Variants in USP7 observed in about 807,000 individuals in gnomAD.
USP7 encodes the protein ubiquitin C-terminal hydrolase 7.
A neutral mutation model predicts 162.9 loss-of-function variants in USP7; 9 were observed. The observed-to-expected ratio is 0.06, with a 90% CI of 0.03 to 0.10. The LOEUF is 0.10. Among genes scored for constraint, USP7 ranks in the 10% least tolerant of loss-of-function variants. The pLI is 1.00. For synonymous variants in USP7, 562 were observed against 475.9 expected (o/e 1.18, Z -2.35); for missense variants, 715 against 1,373.7 (o/e 0.52, Z 7.58).
At chr16:8,894,461 T>G in intron 30 of USP7, 89 bp downstream of exon 30, 1 of 1,359,072 alleles carries the variant, frequency 7.4e-7, no homozygotes, top group Non-Finnish European at 1.0e-6. Flanking sequence ...GAGCTGGCAC[T>G]TGACCCTGGG....
chr16:8,912,809 G>A (rs1032664494), intron 10 of USP7, among the ~76,000 whole-genome samples: 6 of 149,940 alleles, frequency 4.0e-5, no homozygotes, highest in Non-Finnish European at 1.5e-5. Flanking sequence ...AAGAGATAAA[G>A]ATTTTCATTT....
chr16:8,903,117 G>A lies in USP7; in HGVS notation c.1839+151C>T, dbSNP rs1225082976. On this transcript the variant is annotated intron_variant, in intron 16 of 30. Transcript: ENST00000344836. ...CAATGGTTTTCTTGCACTTTCTCAGGCAGGAAATGTTCCTGGGTCACACTC... is the reference window on the plus strand; with the variant it reads ...CAATGGTTTTCTTGCACTTTCTCAGACAGGAAATGTTCCTGGGTCACACTC... 1.2e-5 allele frequency: 13 copies of A among 1,055,348 alleles called. No homozygotes were observed. The East Asian group carries it at 3.1e-4, about 25-fold the overall frequency. The allele number at this position is 1,055,348 out of a possible 1,614,324, so 65.4% of individuals were successfully genotyped here.
intron 1 of USP7, among the ~76,000 whole-genome samples, chr16:8,934,149 G>A (rs1420868351): frequency 6.6e-6 from 1 of 152,116 alleles, no homozygotes; most frequent in Non-Finnish European, 1.5e-5. Context: ...TTTAAAACAT[G>A]GTTTTAATGC....
In USP7 at chr16:8,892,803, T is replaced by TA. The variant is rs1433841302; in HGVS notation, c.*1194dup. 1 of 152,026 alleles carries TA rather than the reference T, an allele frequency of 6.6e-6. No individual in the cohort carries two copies. The highest frequency in any genetic ancestry group is 2.4e-5 in the African/African-American group (1 of 41,368). The allele number at this position is 152,026 out of a possible 1,614,324, so 9.4% of individuals were successfully genotyped here. On this transcript the variant is annotated 3_prime_UTR_variant, in exon 31 of 31. Coordinates refer to ENST00000344836, the MANE Select transcript of USP7 (RefSeq NM_003470.3). Reference sequence around the variant, plus strand: ...TTTTTATAGAAAATTTTATTCAACATACAACATTTTCCAGCAAAAAGGCAA... The same window carrying TA: ...TTTTTATAGAAAATTTTATTCAACATAACAACATTTTCCAGCAAAAAGGCAA...
chr16:8,910,309 T>C (rs1310474427), intron 11 of USP7, among the ~76,000 whole-genome samples: 1 of 152,122 alleles, frequency 6.6e-6, no homozygotes, highest in Non-Finnish European at 1.5e-5. Flanking sequence ...GACACAACCC[T>C]AGAGAACACA....
chr16:8,939,917 G>A (rs966385985), intron 1 of USP7, among the ~76,000 whole-genome samples: 3 of 152,168 alleles, frequency 2.0e-5, no homozygotes, highest in African/African-American at 7.2e-5. Flanking sequence ...GGCTAACACG[G>A]TGAAACCCCG....
chr16:8,938,983 C>G (rs559336961), intron 1 of USP7, among the ~76,000 whole-genome samples: 2 of 152,128 alleles, frequency 1.3e-5, no homozygotes, highest in East Asian at 1.9e-4. Flanking sequence ...ACCATTAATA[C>G]CAAGGGACAG....
intron 6 of USP7, 46 bp from the exon 7 acceptor site, chr16:8,917,202 G>A (rs1897416850): frequency 1.3e-6 from 2 of 1,551,172 alleles, no homozygotes; most frequent in South Asian, 1.2e-5. Flanking sequence ...GAAGATGCAG[G>A]GGAATTTAAA....
In USP7 at chr16:8,923,427, A is replaced by G. The variant is rs745354893; in HGVS notation, c.185-14T>C. On this transcript the variant is annotated splice_polypyrimidine_tract_variant and intron_variant, in intron 2 of 30. Coordinates refer to ENST00000344836, the MANE Select transcript of USP7 (RefSeq NM_003470.3). ...GCCAACTGGTGTCTGCAAAAAAAAC[A>G]CATCATCAGTCACAGAGCCTGTGCA... is the stretch of plus-strand genomic sequence containing the variant. 6.2e-7 allele frequency: 1 copy of G among 1,613,382 alleles called. No individual in the cohort carries two copies. The highest frequency in any genetic ancestry group is 1.7e-5 in the Admixed American group (1 of 60,000).
intron 1 of USP7, among the ~76,000 whole-genome samples, chr16:8,955,181 T>G (rs926278662): frequency 2.0e-5 from 3 of 152,238 alleles, no homozygotes; most frequent in Non-Finnish European, 4.4e-5. Context: ...TTTGTTGTAT[T>G]TAATAAACTT....
intron 23 of USP7, chr16:8,898,861 C>A: frequency 1.6e-6 from 1 of 612,204 alleles, no homozygotes; most frequent in Non-Finnish European, 2.8e-6. Flanking sequence ...AGCAGCCTGG[C>A]AGGACTGACC....
intron 3 of USP7, among the ~76,000 whole-genome samples, chr16:8,922,674 A>G (rs1326496107): frequency 6.6e-6 from 1 of 152,248 alleles, no homozygotes. Flanking sequence ...CCCAGAATCA[A>G]CTGGGTTTTT....
intron 30 of USP7, 131 bp from the exon 31 acceptor site, chr16:8,894,235 G>T: frequency 1.2e-6 from 1 of 836,134 alleles, no homozygotes; most frequent in African/African-American, 1.7e-5. Context: ...CAGGACCTGA[G>T]CTACACGCCC....
intron 1 of USP7, among the ~76,000 whole-genome samples, chr16:8,948,355 G>T (rs766760174): frequency 6.6e-6 from 1 of 152,032 alleles, no homozygotes; most frequent in Non-Finnish European, 1.5e-5. Context: ...ACTAATTTTT[G>T]GCATTTTTTT....
intron 2 of USP7, among the ~76,000 whole-genome samples, chr16:8,924,067 C>A: frequency 6.6e-6 from 1 of 152,088 alleles, no homozygotes; most frequent in East Asian, 1.9e-4. Flanking sequence ...TAAATGATAA[C>A]AAGACCAAAG....
intron 3 of USP7, among the ~76,000 whole-genome samples, chr16:8,921,746 G>A (rs1897701128): frequency 6.6e-6 from 1 of 152,156 alleles, no homozygotes; most frequent in Admixed American, 6.5e-5. Context: ...TCCTGCCCCG[G>A]CATCGACGAA....
chr16:8,928,326 A>T (rs1228713709), intron 2 of USP7, among the ~76,000 whole-genome samples: 2 of 152,202 alleles, frequency 1.3e-5, no homozygotes, highest in Non-Finnish European at 2.9e-5. Context: ...ACACTCAAGG[A>T]CACAGGACAC....
intron 10 of USP7, among the ~76,000 whole-genome samples, chr16:8,911,749 G>A (rs190130839): frequency 1.3e-5 from 2 of 152,248 alleles, no homozygotes; most frequent in African/African-American, 4.8e-5. Context: ...ATGCTGCCCA[G>A]AAAGCGAGAT....
intron 3 of USP7, among the ~76,000 whole-genome samples, chr16:8,922,877 A>G (rs911164381): frequency 6.6e-6 from 1 of 152,182 alleles, no homozygotes; most frequent in Admixed American, 6.6e-5. Context: ...CTATCACACA[A>G]TGGAAAGGAT....
Sources: allele counts gnomAD v4.1 joint callset (sites outside exome capture counted in the v4.1 genomes callset), GRCh38; gene constraint gnomAD v4.1.1; transcripts MANE v1.5; gene names NCBI Gene and HGNC (gene_info 2026-07-23, HGNC 2026-07-21).